The following HUNK variants were observed in gnomAD, a reference collection of about 807,000 sequenced individuals.
HUNK encodes hormonally up-regulated neu tumor-associated kinase.
In HUNK, 21 loss-of-function variants were observed where a neutral mutation model predicts 61.0. The ratio of observed to expected loss-of-function variants is 0.34; its 90% CI spans 0.24 to 0.50. The LOEUF is 0.50. Ranked by LOEUF, HUNK falls within the 20% of genes least tolerant of loss-of-function variation. The pLI is 0.98. For missense variants in HUNK, 772 were observed against 945.7 expected, an observed-to-expected ratio of 0.82 and a Z score of 2.41; for synonymous variants, 371 against 386.1, an observed-to-expected ratio of 0.96 and a Z score of 0.46.
At chr21:31,938,281 C>G (rs1276599187) in intron 2 of HUNK, among the ~76,000 whole-genome samples, 1 of 152,174 alleles carries the variant, frequency 6.6e-6, no homozygotes, top group Non-Finnish European at 1.5e-5. Context: ...CTTCTCTGCC[C>G]TCACCTTCAC....
chr21:31,988,583 TCTC>T (rs1330753703), intron 8 of HUNK, among the ~76,000 whole-genome samples: 2 of 152,120 alleles, frequency 1.3e-5, no homozygotes, highest in African/African-American at 4.8e-5. Context: ...CACACAGTGT[TCTC>T]CTGTGTGTGT....
At chr21:31,906,982 C>T (rs986189941) in intron 1 of HUNK, among the ~76,000 whole-genome samples, 2 of 152,040 alleles carry the variant, frequency 1.3e-5, no homozygotes, top group African/African-American at 4.8e-5. Flanking sequence ...CGAGACCAGC[C>T]TGGCCAACAT....
chr21:31,904,816 A>G (rs2052493858), intron 1 of HUNK, among the ~76,000 whole-genome samples: 1 of 152,106 alleles, frequency 6.6e-6, no homozygotes. Flanking sequence ...GTTGAGCGGG[A>G]TGTGGTGGCT....
At chr21:31,921,138 G>A (rs1172108759) in intron 1 of HUNK, among the ~76,000 whole-genome samples, 2 of 109,760 alleles carry the variant, frequency 1.8e-5, no homozygotes, top group Non-Finnish European at 3.3e-5. Context: ...CTGGGCCACA[G>A]AGCGAGATTC....
chr21:31,919,639 G>C (rs565308585), intron 1 of HUNK, among the ~76,000 whole-genome samples: 1 of 152,314 alleles, frequency 6.6e-6, no homozygotes, highest in Admixed American at 6.5e-5. Flanking sequence ...TCATGGAGGT[G>C]CAAAACCCTG....
intron 6 of HUNK, among the ~76,000 whole-genome samples, chr21:31,971,806 C>G (rs897535562): frequency 6.7e-6 from 1 of 148,952 alleles, no homozygotes; most frequent in Non-Finnish European, 1.5e-5. Flanking sequence ...TAGGTGCCAG[C>G]TCCCCTCCTG....
intron 5 of HUNK, among the ~76,000 whole-genome samples, chr21:31,963,002 T>C (rs1033430232): frequency 8.5e-5 from 13 of 152,208 alleles, no homozygotes; most frequent in African/African-American, 3.1e-4. Context: ...GTTCATAGAG[T>C]GAATGTCTTC....
At chr21:31,893,818 C>A (rs1044788606) in intron 1 of HUNK, among the ~76,000 whole-genome samples, 2 of 152,188 alleles carry the variant, frequency 1.3e-5, no homozygotes, top group Non-Finnish European at 2.9e-5. Flanking sequence ...CATGTTACTG[C>A]CTTTAAGGGT....
At position 31,935,081 on chromosome 21, in the gene HUNK, G is replaced by A. The variant is rs574750279; in HGVS notation, c.555-5084G>A. 2.6e-5 allele frequency among the ~76,000 whole-genome samples: 4 copies of A among 152,274 alleles called. No homozygotes were observed. The South Asian group carries it at 8.3e-4, about 32-fold the overall frequency. ...TCACTGTTGAGTAGCTGAGCAGAGG[G>A]TCTGGGTTGCTCACTGTTCTGAATG... is the stretch of plus-strand genomic sequence containing the variant. On this transcript the variant is annotated intron_variant, in intron 2 of 10. Transcript: ENST00000270112.
intron 1 of HUNK, among the ~76,000 whole-genome samples, chr21:31,900,062 A>G (rs1277647753): frequency 6.6e-6 from 1 of 151,894 alleles, no homozygotes; most frequent in Admixed American, 6.6e-5. Flanking sequence ...GGCATGAGCC[A>G]CTGCTCCCAG....
intron 1 of HUNK, among the ~76,000 whole-genome samples, chr21:31,898,088 A>G (rs2052437757): frequency 2.0e-5 from 3 of 152,156 alleles, no homozygotes; most frequent in Admixed American, 2.0e-4. Flanking sequence ...AACAGACTTG[A>G]GGTGCAAGAC....
At chr21:31,919,012 G>T (rs12626426) in intron 1 of HUNK, among the ~76,000 whole-genome samples, 12,153 of 74,584 alleles carry the variant, frequency 0.16, 673 homozygotes, top group African/African-American at 0.34. Flanking sequence ...GGTATGAGGA[G>T]GAGGGGCTGG....
chr21:31,913,629 G>C (rs2833557), intron 1 of HUNK, among the ~76,000 whole-genome samples: 6,142 of 151,996 alleles, frequency 0.04, 150 homozygotes, highest in Middle Eastern at 0.12. Flanking sequence ...AGGTGGAGAT[G>C]GCCAGAGGCA....
chr21:31,965,153 T>C (rs768953847), intron 5 of HUNK, among the ~76,000 whole-genome samples: 6 of 152,270 alleles, frequency 3.9e-5, no homozygotes, highest in Non-Finnish European at 7.4e-5. Context: ...TTATAGAACA[T>C]GGATGGAGCT....
In HUNK at chr21:31,926,422, C is replaced by T. The variant is rs555899412; in HGVS notation, c.554+1662C>T. On this transcript the variant is annotated intron_variant, in intron 2 of 10. Coordinates refer to ENST00000270112, the MANE Select transcript of HUNK (RefSeq NM_014586.2). ...TTAGTGTATTCACAGAGTTGTGCAA[C>T]CATCACCACCTTCTAATTTTAGAAT... 2.0e-5 allele frequency among the ~76,000 whole-genome samples: 3 copies of T among 151,856 alleles called. No homozygotes were observed. In the South Asian group the frequency reaches 6.2e-4, roughly 32 times the overall value.
chr21:31,963,355 C>A (rs189818588), intron 5 of HUNK, among the ~76,000 whole-genome samples: 189 of 152,250 alleles, frequency 1.2e-3, no homozygotes, highest in Middle Eastern at 0.01. Context: ...AGACGCACCC[C>A]CCCTACAAAA....
At chr21:31,899,066 G>GT (rs2052445226) in intron 1 of HUNK, among the ~76,000 whole-genome samples, 1 of 151,810 alleles carries the variant, frequency 6.6e-6, no homozygotes, top group African/African-American at 2.4e-5. Flanking sequence ...GTATAAAAGG[G>GT]GAAAAACTCA....
chr21:31,959,013 C>T (rs767125725), intron 5 of HUNK, 43 bp downstream of exon 5: 12 of 1,516,586 alleles, frequency 7.9e-6, no homozygotes, highest in Middle Eastern at 1.8e-4. Flanking sequence ...GGACTGCTGT[C>T]GTGACCAGTT....
chr21:31,914,563 A>G (rs942414299), intron 1 of HUNK, among the ~76,000 whole-genome samples: 3 of 152,190 alleles, frequency 2.0e-5, no homozygotes, highest in Non-Finnish European at 2.9e-5. Context: ...GGCTGCCACA[A>G]CAAAATACCA....
Sources: allele counts gnomAD v4.1 joint callset (sites outside exome capture counted in the v4.1 genomes callset), GRCh38; gene constraint gnomAD v4.1.1; transcripts MANE v1.5; gene names NCBI Gene and HGNC (gene_info 2026-07-23, HGNC 2026-07-21).